Variants in KPNB1 observed in about 807,000 individuals in gnomAD.
The protein encoded by KPNB1 is karyopherin subunit beta 1, also known as importin subunit beta-1.
Under a neutral mutation model 113.0 loss-of-function variants are expected in KPNB1, and 7 were observed. That is an observed-to-expected ratio of 0.06 (90% CI 0.04 to 0.12). The LOEUF (loss-of-function observed/expected upper bound fraction) is 0.12, where lower values mean the gene tolerates loss of function less well. KPNB1 is among the 10% of genes least tolerant of loss of function. The pLI is 1.00. For synonymous variants in KPNB1, 363 were observed against 378.6 expected (o/e 0.96, Z 0.48); for missense variants, 400 against 1,054.8 (o/e 0.38, Z 8.60).
intron 17 of KPNB1, among the ~76,000 whole-genome samples, chr17:47,677,824 C>T (rs1018755812): frequency 6.6e-6 from 1 of 152,206 alleles, no homozygotes; most frequent in Non-Finnish European, 1.5e-5. Flanking sequence ...AGACAAGTCA[C>T]TTGATTCTTA....
intron 10 of KPNB1, 139 bp downstream of exon 10, chr17:47,668,549 G>A (rs187178365): frequency 5.8e-6 from 4 of 684,906 alleles, no homozygotes; most frequent in South Asian, 3.9e-5. Context: ...TTTAATGAGG[G>A]TAAAATATAT....
Position 47,650,266 on chromosome 17 carries a change from G to A in KPNB1, c.22G>A (p.Glu8Lys). The stretch of plus-strand genomic sequence containing the variant: ...CGCCATGGAGCTGATCACCATTCTC[G>A]AGAAGACCGTGTCTCCCGGTAGGAC... Reference protein sequence around the residue: MELITILEKTVSPDRLEL... With the variant: MELITILKKTVSPDRLEL... Residue 8 changes from glutamate to lysine, a missense_variant, in exon 1 of 22, where the codon GAG becomes AAG. Transcript: ENST00000290158. 1 of 1,602,636 alleles carries A rather than the reference G, an allele frequency of 6.2e-7. No homozygotes were observed. The highest frequency in any genetic ancestry group is 2.3e-5 in the East Asian group (1 of 43,912).
At chr17:47,663,766 CTT>C (rs1204588137) in intron 7 of KPNB1, among the ~76,000 whole-genome samples, 1 of 152,166 alleles carries the variant, frequency 6.6e-6, no homozygotes, top group African/African-American at 2.4e-5. Flanking sequence ...TGACAGATCG[CTT>C]GAGTCCAGGA....
rs2143158166 is a variant in KPNB1 at position 47,673,580 on chromosome 17, A to T, written c.1767+19A>T. ...TCTTCAGGTATGGTGGTGCCTTATG[A>T]CTTAATAACTCCAGGTTGGAGAATT... On this transcript the variant is annotated intron_variant, in intron 14 of 21. Coordinates refer to ENST00000290158, the MANE Select transcript of KPNB1 (RefSeq NM_002265.6). 1 of 1,566,634 alleles carries T rather than the reference A, an allele frequency of 6.4e-7. No individual in the cohort carries two copies. The highest frequency in any genetic ancestry group is 1.1e-5 in the South Asian group (1 of 90,046).
chr17:47,682,436 C>A lies in KPNB1; in HGVS notation c.*32C>A. The A allele has an allele frequency of 1.3e-6, 1 of 780,022 alleles. No homozygotes were observed. The highest frequency in any genetic ancestry group is 2.4e-6 in the Non-Finnish European group (1 of 418,096). The allele number at this position is 780,022 out of a possible 1,614,324, so 48.3% of individuals were successfully genotyped here. On this transcript the variant is annotated 3_prime_UTR_variant, in exon 22 of 22. Coordinates refer to ENST00000290158, the MANE Select transcript of KPNB1 (RefSeq NM_002265.6). Reference sequence around the variant, plus strand: ...ACCATTGGGATGATAACCTGAGGACCCCCACTGGAAATCTCCCATCTTTTG... The same window carrying A: ...ACCATTGGGATGATAACCTGAGGACACCCACTGGAAATCTCCCATCTTTTG...
rs1915487700 is a variant in KPNB1, at chr17:47,650,146, C to T, written c.-99C>T. Reference sequence around the variant, plus strand: ...ACCCCCGCCCCCCACCCCACCCTCCCTTCCCACCCGACCCCCAACCCCCAT... The same window carrying T: ...ACCCCCGCCCCCCACCCCACCCTCCTTTCCCACCCGACCCCCAACCCCCAT... On this transcript the variant is annotated 5_prime_UTR_variant, in exon 1 of 22. Transcript: ENST00000290158. 4 of 974,244 alleles carry T rather than the reference C, an allele frequency of 4.1e-6. No homozygotes were observed. The highest frequency in any genetic ancestry group is 5.2e-6 in the Non-Finnish European group (4 of 773,642). The allele number at this position is 974,244 out of a possible 1,614,324, so 60.3% of individuals were successfully genotyped here.
At chr17:47,682,029 C>T (rs2030801661) in intron 21 of KPNB1, among the ~76,000 whole-genome samples, 1 of 152,060 alleles carries the variant, frequency 6.6e-6, no homozygotes, top group African/African-American at 2.4e-5. Flanking sequence ...ACAAGATCTC[C>T]TGTTGCCCAG....
chr17:47,653,023 C>T (rs1432650063), intron 3 of KPNB1, 147 bp downstream of exon 3: 3 of 525,214 alleles, frequency 5.7e-6, no homozygotes, highest in Non-Finnish European at 9.6e-6. Context: ...TTGTCTTTGT[C>T]TTAAATCTTT....
Position 47,677,956 on chromosome 17 carries a change from C to A in KPNB1, c.2104-90C>A. The A allele has an allele frequency of 2.3e-6, 3 of 1,291,954 alleles. No individual in the cohort carries two copies. The South Asian group carries it at 4.0e-5, about 17-fold the overall frequency. The allele number at this position is 1,291,954 out of a possible 1,614,324, so 80.0% of individuals were successfully genotyped here. On this transcript the variant is annotated intron_variant, in intron 17 of 21. Transcript: ENST00000290158. ...AAAGGACCATCCAAATATTTAAAATCAATAGTTGCTTGTTAGAAATGAAAT... is the reference window on the plus strand; with the variant it reads ...AAAGGACCATCCAAATATTTAAAATAAATAGTTGCTTGTTAGAAATGAAAT...
At chr17:47,650,501 C>T (rs1177822254) in intron 2 of KPNB1, 57 bp downstream of exon 2, 28 of 1,503,032 alleles carry the variant, frequency 1.9e-5, no homozygotes, top group Middle Eastern at 2.2e-4. Context: ...GCGTGCGGGG[C>T]CTTCCCGCCC....
At position 47,649,927 on chromosome 17, in the gene KPNB1, G is replaced by C. The variant is rs566840244; in HGVS notation, c.-318G>C. ...TTCCTCCCTCCCTCGCTCCCTCCCT[G>C]CGCGCCGCCTCTCACTCACAGCCTC... is the stretch of plus-strand genomic sequence containing the variant. On this transcript the variant is annotated 5_prime_UTR_variant, in exon 1 of 22. Coordinates refer to ENST00000290158, the MANE Select transcript of KPNB1 (RefSeq NM_002265.6). 3 of 1,271,926 alleles carry C rather than the reference G, an allele frequency of 2.4e-6. No homozygotes were observed. Among genetic ancestry groups the C allele is most frequent in the Admixed American group, 4.2e-5 (1 of 23,764 alleles). The allele number at this position is 1,271,926 out of a possible 1,614,324, so 78.8% of individuals were successfully genotyped here.
In KPNB1 at chr17:47,684,228, G is replaced by T. The variant is rs962535317; in HGVS notation, c.*1824G>T. 3.3e-5 allele frequency: 5 copies of T among 151,896 alleles called. No homozygotes were observed. The highest frequency in any genetic ancestry group is 1.2e-4 in the African/African-American group (5 of 41,322). 9.4% of individuals were successfully genotyped at this position (151,896 alleles called of 1,614,324 possible). A position where few individuals can be genotyped will look rare whatever the true frequency, so the allele number is the denominator to read the frequency against. ...GTCCAAGCCTTCCATTCCTAAGTGG[G>T]ATTGGCTCAGTTTTGCCCATCCATA... On this transcript the variant is annotated 3_prime_UTR_variant, in exon 22 of 22. Transcript: ENST00000290158.
chr17:47,676,893 A>T (rs534859935), intron 16 of KPNB1, 127 bp from the exon 17 acceptor site: 1 of 659,938 alleles, frequency 1.5e-6, no homozygotes, highest in Non-Finnish European at 2.6e-6. Flanking sequence ...TTGTTGAAAA[A>T]TTAATCTCGG....
Position 47,682,766 on chromosome 17 carries a change from G to A in KPNB1, c.*362G>A. The A allele has an allele frequency of 3.5e-6, 1 of 285,172 alleles. No individual in the cohort carries two copies. Among genetic ancestry groups the A allele is most frequent in the Non-Finnish European group, 6.7e-6 (1 of 149,468 alleles). The allele number at this position is 285,172 out of a possible 1,614,324, so 17.7% of individuals were successfully genotyped here. A position where few individuals can be genotyped will look rare whatever the true frequency, so the allele number is the denominator to read the frequency against. Reference sequence around the variant, plus strand: ...TTGGCCAGTGCCGAGTGGAATGCCTGGTTTGGGGGAGGAGGAGGGACTGGG... The same window carrying A: ...TTGGCCAGTGCCGAGTGGAATGCCTAGTTTGGGGGAGGAGGAGGGACTGGG... On this transcript the variant is annotated 3_prime_UTR_variant, in exon 22 of 22. Coordinates refer to ENST00000290158, the MANE Select transcript of KPNB1 (RefSeq NM_002265.6).
At chr17:47,653,229 C>A (rs1206592131) in intron 3 of KPNB1, among the ~76,000 whole-genome samples, 2 of 150,354 alleles carry the variant, frequency 1.3e-5, no homozygotes, top group African/African-American at 2.5e-5. Flanking sequence ...TCCAAGCTCT[C>A]CAGAAATTCC....
At chr17:47,652,916 AC>A (rs1314689338) in intron 3 of KPNB1, 40 bp downstream of exon 3, 1 of 1,454,454 alleles carries the variant, frequency 6.9e-7, no homozygotes, top group Non-Finnish European at 9.2e-7. Context: ...TGCCCAGAGA[AC>A]AAGAAATCGC....
Position 47,664,285 on chromosome 17 carries a change from C to CTA in KPNB1, c.897+18_897+19dup. The CTA allele has an allele frequency of 1.4e-6, 2 of 1,466,342 alleles. No individual in the cohort carries two copies. The highest frequency in any genetic ancestry group is 1.9e-6 in the Non-Finnish European group (2 of 1,045,648). The allele number at this position is 1,466,342 out of a possible 1,614,324, so 90.8% of individuals were successfully genotyped here. On this transcript the variant is annotated intron_variant, in intron 8 of 21. Coordinates refer to ENST00000290158, the MANE Select transcript of KPNB1 (RefSeq NM_002265.6). ...AGCTTCAGAGGTGAGCTGGGGAGAA[C>CTA]TATTACTCTGAATACGCTTTGGGAC...
intron 3 of KPNB1, among the ~76,000 whole-genome samples, chr17:47,655,702 T>C (rs1042898658): frequency 6.6e-6 from 1 of 152,198 alleles, no homozygotes; most frequent in Non-Finnish European, 1.5e-5. Flanking sequence ...CATGTCTGTC[T>C]ACAAAACGAG....
chr17:47,677,905 C>A, intron 17 of KPNB1, 141 bp from the exon 18 acceptor site: 1 of 789,708 alleles, frequency 1.3e-6, no homozygotes, highest in Non-Finnish European at 2.0e-6. Context: ...GTGTGAGGTG[C>A]AAATGGGAAA....
Sources: allele counts gnomAD v4.1 joint callset (sites outside exome capture counted in the v4.1 genomes callset), GRCh38; gene constraint gnomAD v4.1.1; transcripts MANE v1.5; gene names NCBI Gene and HGNC (gene_info 2026-07-23, HGNC 2026-07-21).